Variants in PCDHA4 observed in about 807,000 individuals in gnomAD.
PCDHA4 encodes the protein protocadherin alpha-4.
In PCDHA4, 49 loss-of-function variants were observed where a neutral mutation model predicts 61.4. The ratio of observed to expected loss-of-function variants is 0.80; its 90% CI spans 0.63 to 1.01. PCDHA4 has a LOEUF of 1.01. PCDHA4 is among the 50% of genes least tolerant of loss of function. The pLI is 0.00. For synonymous variants in PCDHA4, 590 were observed against 550.3 expected, an observed-to-expected ratio of 1.07 and a Z score of -1.01; for missense variants, 1,254 against 1,235.8, an observed-to-expected ratio of 1.01 and a Z score of -0.22.
chr5:140,870,028 T>G, intron 1 of PCDHA4: 1 of 1,613,550 alleles, frequency 6.2e-7, no homozygotes, highest in Non-Finnish European at 8.5e-7. Context: ...AACTTTAGAT[T>G]ATGAAGAAAA....
rs556783584 is a variant in PCDHA4 at position 140,882,446 on chromosome 5, G to A, written c.2385+72874G>A. ...CCTGGGGCTGGAGCTGGCGGAGCTG[G>A]TGCCGCGCCTGTTCCGGGTGGCGTC... On this transcript the variant is annotated intron_variant, in intron 1 of 3. Coordinates refer to ENST00000530339, the MANE Select transcript of PCDHA4 (RefSeq NM_018907.4). 1.9e-5 allele frequency: 30 copies of A among 1,614,042 alleles called. No individual in the cohort carries two copies. The highest frequency in any genetic ancestry group is 1.0e-4 in the Admixed American group (6 of 60,036).
At position 140,858,244 on chromosome 5, in the gene PCDHA4, G is replaced by T. The variant is rs782743084; in HGVS notation, c.2385+48672G>T. The T allele has an allele frequency of 1.9e-5, 30 of 1,595,808 alleles. 1 individual carries two copies. The highest frequency in any genetic ancestry group is 3.4e-4 in the Middle Eastern group (2 of 5,896). On this transcript the variant is annotated intron_variant, in intron 1 of 3. Transcript: ENST00000530339. Reference sequence around the variant, plus strand: ...CGCCCACCGAGGGCGCATGTGGGCCGGTGAAGCCCACGCTGGTGTGCTCTA... The same window carrying T: ...CGCCCACCGAGGGCGCATGTGGGCCTGTGAAGCCCACGCTGGTGTGCTCTA...
At chr5:140,874,957 T>C (rs1330073461) in intron 1 of PCDHA4, among the ~76,000 whole-genome samples, 3 of 152,350 alleles carry the variant, frequency 2.0e-5, no homozygotes, top group African/African-American at 7.2e-5. Flanking sequence ...TTGTAAGCTA[T>C]ATAAGGGGAG....
chr5:140,830,243 T>A (rs1770923485), intron 1 of PCDHA4: 2 of 1,613,790 alleles, frequency 1.2e-6, no homozygotes, highest in Admixed American at 1.7e-5. Flanking sequence ...GCTACTGCTG[T>A]ACACAGCGCT....
chr5:140,815,039 T>A (rs1316508062), intron 1 of PCDHA4: 2 of 152,098 alleles, frequency 1.3e-5, no homozygotes, highest in Admixed American at 6.5e-5. Flanking sequence ...TTGCATGAAA[T>A]TTTTTTAATA....
chr5:140,985,792 T>G (rs1043772430), intron 3 of PCDHA4, among the ~76,000 whole-genome samples: 1 of 142,326 alleles, frequency 7.0e-6, no homozygotes. Flanking sequence ...CAGGCTGGAG[T>G]GCAGTGGCAC....
rs189370080 is a variant in PCDHA4 at position 140,877,740 on chromosome 5, G to C, written c.2385+68168G>C. 2.8e-3 allele frequency: 4,494 copies of C among 1,614,198 alleles called. 21 individuals carry two copies. Among genetic ancestry groups the C allele is most frequent in the African/African-American group, 0.01 (782 of 75,064 alleles). On this transcript the variant is annotated intron_variant, in intron 1 of 3. Transcript: ENST00000530339. ...GGTCTTACTCGCAGCAGAGGAGGCA[G>C]AGGGTGTGCTCTGCAGAGAGCCCGC...
intron 3 of PCDHA4, among the ~76,000 whole-genome samples, chr5:140,983,911 G>A (rs546792762): frequency 6.6e-6 from 1 of 152,290 alleles, no homozygotes; most frequent in East Asian, 1.9e-4. Flanking sequence ...ATTCTAATCA[G>A]CCAGGATTTG....
At chr5:140,854,205 T>C (rs2043038740) in intron 1 of PCDHA4, 1 of 692,808 alleles carries the variant, frequency 1.4e-6, no homozygotes, top group East Asian at 1.3e-4. Flanking sequence ...CTACTTTTTA[T>C]TCAATATTGG....
At chr5:140,832,646 A>T (rs141278447) in intron 1 of PCDHA4, among the ~76,000 whole-genome samples, 20 of 152,312 alleles carry the variant, frequency 1.3e-4, no homozygotes, top group African/African-American at 4.3e-4. Context: ...GAGGGTCTTT[A>T]AGAGTATCAC....
chr5:140,912,261 C>T (rs2075834049), intron 1 of PCDHA4, among the ~76,000 whole-genome samples: 2 of 152,116 alleles, frequency 1.3e-5, no homozygotes, highest in Non-Finnish European at 2.9e-5. Context: ...TTGATGACAC[C>T]CTCACAGATA....
In PCDHA4 at chr5:140,871,238, T is replaced by C. The variant is rs200192228; in HGVS notation, c.2385+61666T>C. 68 of 1,613,968 alleles carry C rather than the reference T, an allele frequency of 4.2e-5. No homozygotes were observed. The Admixed American group carries it at 6.2e-4, about 15-fold the overall frequency. ...TGCGTGGTGTCCAGCCTCCTGGTACTCACGCTGCTGCTGTATACGGCGCTG... is the reference window on the plus strand; with the variant it reads ...TGCGTGGTGTCCAGCCTCCTGGTACCCACGCTGCTGCTGTATACGGCGCTG... On this transcript the variant is annotated intron_variant, in intron 1 of 3. Transcript: ENST00000530339.
rs782468153 is a variant in PCDHA4, at chr5:140,858,011, G to A, written c.2385+48439G>A. ...ACTGGTGCTGGTGAAGGACCATGGCGAGCCGTCGCTGACGGCCACGGCCAC... is the reference window on the plus strand; with the variant it reads ...ACTGGTGCTGGTGAAGGACCATGGCAAGCCGTCGCTGACGGCCACGGCCAC... On this transcript the variant is annotated intron_variant, in intron 1 of 3. Transcript: ENST00000530339. 1.1e-5 allele frequency: 18 copies of A among 1,596,704 alleles called. 1 individual carries two copies. Among genetic ancestry groups the A allele is most frequent in the Non-Finnish European group, 1.5e-5 (17 of 1,167,106 alleles).
rs538135807 is a variant in PCDHA4, at chr5:140,873,663, T to C, written c.2385+64091T>C. On this transcript the variant is annotated intron_variant, in intron 1 of 3. Transcript: ENST00000530339. ...GTGAGAACTACATAACACACTATTA[T>C]TATTTGTTTCTTTTTGAGATAGAGT... Among the ~76,000 whole-genome samples the C allele has an allele frequency of 3.3e-5, 5 of 152,342 alleles. No individual in the cohort carries two copies. In the South Asian group the frequency reaches 1.0e-3, roughly 32 times the overall value.
intron 1 of PCDHA4, among the ~76,000 whole-genome samples, chr5:140,972,686 AT>A (rs2096549556): frequency 8.3e-6 from 1 of 120,944 alleles, no homozygotes; most frequent in African/African-American, 3.2e-5. Context: ...TTTTTTTGAG[AT>A]GGAGTCTCAC....
intron 1 of PCDHA4, chr5:140,842,293 C>A: frequency 6.2e-7 from 1 of 1,609,994 alleles, no homozygotes; most frequent in Non-Finnish European, 8.5e-7. Context: ...ACGCCACGGA[C>A]AAAGGCCATC....
intron 1 of PCDHA4, chr5:140,829,303 C>T: frequency 1.2e-6 from 2 of 1,614,248 alleles, no homozygotes; most frequent in Non-Finnish European, 1.7e-6. Context: ...TCAAGAATTA[C>T]TACTCGTTGG....
rs2150449498 is a variant in PCDHA4 at position 140,849,775 on chromosome 5, C to A, written c.2385+40203C>A. 6.3e-7 allele frequency: 1 copy of A among 1,598,434 alleles called. No homozygotes were observed. The highest frequency in any genetic ancestry group is 8.6e-7 in the Non-Finnish European group (1 of 1,167,964). Reference sequence around the variant, plus strand: ...TCCGCCTACGAGCTGGTGGTTACCGCGCGGGACGGGGGCTCGCCTTCACTG... The same window carrying A: ...TCCGCCTACGAGCTGGTGGTTACCGAGCGGGACGGGGGCTCGCCTTCACTG... On this transcript the variant is annotated intron_variant, in intron 1 of 3. Transcript: ENST00000530339.
chr5:140,936,272 C>T lies in PCDHA4; in HGVS notation c.2386-42677C>T, dbSNP rs1303356923. 2.0e-5 allele frequency among the ~76,000 whole-genome samples: 3 copies of T among 152,254 alleles called. No individual in the cohort carries two copies. In the East Asian group the frequency reaches 5.8e-4, roughly 29 times the overall value. On this transcript the variant is annotated intron_variant, in intron 1 of 3. Transcript: ENST00000530339. Reference sequence around the variant, plus strand: ...TGCTTCAAGTCATGAAGATATATTCCTGTGTTTTCTTCTATAACATTGCTA... The same window carrying T: ...TGCTTCAAGTCATGAAGATATATTCTTGTGTTTTCTTCTATAACATTGCTA...
Sources: gnomAD v4.1 joint callset for allele counts (sites outside exome capture counted in the v4.1 genomes callset) on GRCh38, gnomAD v4.1.1 for gene constraint, MANE v1.5 for transcripts, NCBI Gene and HGNC (gene_info 2026-07-23, HGNC 2026-07-21) for gene names.